Variants in VAV2 observed in about 807,000 individuals in gnomAD.
VAV2 encodes guanine nucleotide exchange factor VAV2.
In VAV2, 67 loss-of-function variants were observed where a neutral mutation model predicts 132.5. The observed-to-expected ratio is 0.51, with a 90% CI of 0.42 to 0.62. The LOEUF (loss-of-function observed/expected upper bound fraction) is 0.62. Among genes scored for constraint, VAV2 ranks in the 20% least tolerant of loss-of-function variants. VAV2 has a pLI of 0.00. For missense variants in VAV2, 938 were observed against 1,153.6 expected (o/e 0.81, Z 2.71); for synonymous variants, 492 against 443.5 (o/e 1.11, Z -1.37).
chr9:133,951,761 TC>T (rs1198369534), intron 1 of VAV2, among the ~76,000 whole-genome samples: 4 of 152,182 alleles, frequency 2.6e-5, no homozygotes, highest in African/African-American at 9.7e-5. Context: ...AATAGGATCC[TC>T]AAAGCAGAGG....
intron 2 of VAV2, among the ~76,000 whole-genome samples, chr9:133,894,117 A>T (rs1256193891): frequency 6.6e-6 from 1 of 152,240 alleles, no homozygotes; most frequent in Non-Finnish European, 1.5e-5. Flanking sequence ...TGCACGGGTG[A>T]GACCCTAGAG....
chr9:133,950,098 G>C (rs1006547902), intron 1 of VAV2, among the ~76,000 whole-genome samples: 4 of 152,176 alleles, frequency 2.6e-5, no homozygotes, highest in Admixed American at 6.5e-5. Flanking sequence ...GTTCTCAAAG[G>C]CTGAAAAGTC....
chr9:133,930,980 C>T (rs1014446729), intron 2 of VAV2, among the ~76,000 whole-genome samples: 2 of 152,200 alleles, frequency 1.3e-5, no homozygotes, highest in Admixed American at 6.5e-5. Flanking sequence ...GGAAGGTGCG[C>T]GCTGCTCTTT....
intron 4 of VAV2, among the ~76,000 whole-genome samples, chr9:133,816,724 C>A (rs566459003): frequency 5.3e-4 from 81 of 152,296 alleles, no homozygotes; most frequent in Middle Eastern, 6.8e-3. Flanking sequence ...CAGAGTGAGA[C>A]CCTGACTCTT....
At chr9:133,862,592 G>T (rs1383290072) in intron 2 of VAV2, among the ~76,000 whole-genome samples, 2 of 152,232 alleles carry the variant, frequency 1.3e-5, no homozygotes, top group Non-Finnish European at 2.9e-5. Context: ...GTGTACGTGT[G>T]TGTCTGGGGG....
rs749338426 is a variant in VAV2, at chr9:133,783,490, G to GA, written c.1723+12_1723+13insT. 6.8e-7 allele frequency: 1 copy of GA among 1,474,308 alleles called. No individual in the cohort carries two copies. Among genetic ancestry groups the GA allele is most frequent in the East Asian group, 2.5e-5 (1 of 39,684 alleles). 91.3% of individuals were successfully genotyped at this position (1,474,308 alleles called of 1,614,324 possible). A position where few individuals can be genotyped will look rare whatever the true frequency, so the allele number is the denominator to read the frequency against. ...GCCAGGGACTGGGGTGGGGGGGTGA[G>GA]GGGGGTACTCACTGAACTTGCAGGG... On this transcript the variant is annotated intron_variant, in intron 19 of 29. Transcript: ENST00000371850.
chr9:133,974,785 C>CACCCAGCACTGG (rs1842453843), intron 1 of VAV2, among the ~76,000 whole-genome samples: 1 of 152,160 alleles, frequency 6.6e-6, no homozygotes, highest in African/African-American at 2.4e-5. Context: ...CCCAGCACTG[C>CACCCAGCACTGG]ACCATGGACA....
rs554846229 is a variant in VAV2 at position 133,879,153 on chromosome 9, C to G, written c.322-17721G>C. 2.0e-5 allele frequency among the ~76,000 whole-genome samples: 3 copies of G among 152,338 alleles called. No individual in the cohort carries two copies. The highest frequency in any genetic ancestry group is 4.4e-5 in the Non-Finnish European group (3 of 68,034). ...CTGGACCCCGTCTCAGCTGCAGACT[C>G]GCAGCAGTGCCGGAGCTCTCTGCGC... is the stretch of plus-strand genomic sequence containing the variant. On this transcript the variant is annotated intron_variant, in intron 2 of 29. Transcript: ENST00000371850. The surrounding 1 kb of genome is among the most constrained non-coding windows in gnomAD (Gnocchi z 4.4).
At chr9:133,777,160 C>T (rs181066323) in intron 23 of VAV2, among the ~76,000 whole-genome samples, 12 of 152,194 alleles carry the variant, frequency 7.9e-5, no homozygotes, top group South Asian at 2.1e-4. Context: ...AAAACCACAA[C>T]GAAACGACAC....
At chr9:133,972,664 C>T (rs1156278472) in intron 1 of VAV2, among the ~76,000 whole-genome samples, 1 of 152,196 alleles carries the variant, frequency 6.6e-6, no homozygotes, top group East Asian at 1.9e-4. Context: ...CGCAAGAGTC[C>T]TCACAAAGCA....
chr9:133,781,607 G>GCTAC, intron 19 of VAV2, among the ~76,000 whole-genome samples: 1 of 152,360 alleles, frequency 6.6e-6, no homozygotes, highest in South Asian at 2.1e-4. Flanking sequence ...GCAGCAAACA[G>GCTAC]CTAAACCAGC....
chr9:133,791,334 C>A (rs111541353), intron 13 of VAV2, among the ~76,000 whole-genome samples: 1 of 152,198 alleles, frequency 6.6e-6, no homozygotes, highest in Non-Finnish European at 1.5e-5. Context: ...CCGGCCCCAC[C>A]GAGCCTGGGC....
At position 133,770,457 on chromosome 9, in the gene VAV2, G is replaced by A; in HGVS notation, c.2268C>T (p.Phe756=). The change falls in exon 27 of 30, where the codon TTC becomes TTT. Residue 756 remains phenylalanine (F), a synonymous_variant. Transcript: ENST00000371850. ...YYQCHSLKES[F]KQLDTTLKYP... is the part of the protein sequence containing the mutation. ...ACTTGAGTGTGGTGTCCAGCTGCTT[G>A]AAGCTCTCCTTCAGTGAGTGGCACT... is the stretch of plus-strand genomic sequence containing the variant. The A allele has an allele frequency of 1.2e-6, 2 of 1,614,124 alleles. No individual in the cohort carries two copies. The highest frequency in any genetic ancestry group is 1.7e-6 in the Non-Finnish European group (2 of 1,179,978).
intron 2 of VAV2, among the ~76,000 whole-genome samples, chr9:133,872,780 T>C (rs10116085): frequency 0.19 from 28,155 of 150,896 alleles, 2,893 homozygotes; most frequent in African/African-American, 0.26. Flanking sequence ...GCTTCTTGAC[T>C]AAGACAGAGT....
chr9:133,881,337 G>A (rs1015810279), intron 2 of VAV2, among the ~76,000 whole-genome samples: 1 of 152,254 alleles, frequency 6.6e-6, no homozygotes, highest in Non-Finnish European at 1.5e-5. Context: ...TGCCCCACAA[G>A]GTTCCTCCCA....
rs187491097 is a variant in VAV2, at chr9:133,977,113, C to A, written c.204+14962G>T. 7.9e-5 allele frequency among the ~76,000 whole-genome samples: 12 copies of A among 152,324 alleles called. No homozygotes were observed. The East Asian group carries it at 1.9e-3, about 25-fold the overall frequency. On this transcript the variant is annotated intron_variant, in intron 1 of 29. Coordinates refer to ENST00000371850, the MANE Select transcript of VAV2 (RefSeq NM_001134398.2). Reference sequence around the variant, plus strand: ...GCCCAGGCCACGCCCAGCCGCCCTGCCCCAAGCCTGCCTCCTTCCAGCTCT... The same window carrying A: ...GCCCAGGCCACGCCCAGCCGCCCTGACCCAAGCCTGCCTCCTTCCAGCTCT...
At position 133,961,497 on chromosome 9, in the gene VAV2, A is replaced by G. The variant is rs1270780055; in HGVS notation, c.205-22278T>C. 6.6e-6 allele frequency among the ~76,000 whole-genome samples: 1 copy of G among 152,150 alleles called. No individual in the cohort carries two copies. The highest frequency in any genetic ancestry group is 1.5e-5 in the Non-Finnish European group (1 of 68,024). ...AACCCAGTCGGGTTTCAGTGACCCA[A>G]GGTCAGAGGCATGGAGGGAGCCCTT... On this transcript the variant is annotated intron_variant, in intron 1 of 29. Transcript: ENST00000371850. This position sits in a 1 kb window ranked among gnomAD's most constrained non-coding sequence, Gnocchi z 4.1.
intron 4 of VAV2, among the ~76,000 whole-genome samples, chr9:133,816,420 A>G (rs1022092855): frequency 6.6e-6 from 1 of 152,204 alleles, no homozygotes; most frequent in Non-Finnish European, 1.5e-5. Context: ...TCTTTCAATC[A>G]CAATATATTT....
At chr9:133,910,965 T>C (rs1468069365) in intron 2 of VAV2, among the ~76,000 whole-genome samples, 1 of 152,038 alleles carries the variant, frequency 6.6e-6, no homozygotes. Flanking sequence ...TGTTTGTCTA[T>C]GGGTCACGGC....
Sources: gnomAD v4.1 joint callset for allele counts (sites outside exome capture counted in the v4.1 genomes callset) on GRCh38, gnomAD v4.1.1 for gene constraint, Gnocchi (gnomAD v3.1) non-coding constraint, MANE v1.5 for transcripts, NCBI Gene and HGNC (gene_info 2026-07-23, HGNC 2026-07-21) for gene names.